Variants in MSI2 observed in about 807,000 individuals in gnomAD.
MSI2 encodes musashi RNA binding protein 2.
MSI2 carries 17 observed loss-of-function variants against 45.6 expected under a neutral mutation model. The ratio of observed to expected loss-of-function variants is 0.37; its 90% CI spans 0.26 to 0.56. The LOEUF is 0.56. Among genes scored for constraint, MSI2 ranks in the 20% least tolerant of loss-of-function variants. The pLI, the probability that MSI2 is intolerant of heterozygous loss-of-function variation, is 0.77. For synonymous variants in MSI2, 156 were observed against 158.2 expected, an observed-to-expected ratio of 0.99 and a Z score of 0.11; for missense variants, 293 against 444.2, an observed-to-expected ratio of 0.66 and a Z score of 3.06.
intron 5 of MSI2, among the ~76,000 whole-genome samples, chr17:57,320,826 A>G (rs1913271212): frequency 6.6e-6 from 1 of 152,016 alleles, no homozygotes; most frequent in African/African-American, 2.4e-5. Context: ...AGGAAGGGAG[A>G]AAGAAGAGAC....
chr17:57,565,101 A>G (rs1044793038), intron 7 of MSI2, among the ~76,000 whole-genome samples: 2 of 152,216 alleles, frequency 1.3e-5, no homozygotes, highest in African/African-American at 4.8e-5. Context: ...CTGAAGACAC[A>G]GAATATGCAT....
In MSI2 at chr17:57,529,612, T is replaced by C. The variant is rs754838162; in HGVS notation, c.406-64T>C. ...CTACCCCCTCACCCCCCGACATGCA[T>C]ATAATGTTTTGTGTACTTTCTTAAA... On this transcript the variant is annotated intron_variant, in intron 6 of 13. Coordinates refer to ENST00000284073, the MANE Select transcript of MSI2 (RefSeq NM_138962.4). The surrounding 1 kb of genome is among the most constrained non-coding windows in gnomAD (Gnocchi z 5.3). 7.0e-7 allele frequency: 1 copy of C among 1,425,846 alleles called. No individual in the cohort carries two copies. The highest frequency in any genetic ancestry group is 9.9e-7 in the Non-Finnish European group (1 of 1,013,116). 88.3% of individuals were successfully genotyped at this position (1,425,846 alleles called of 1,614,324 possible). A position where few individuals can be genotyped will look rare whatever the true frequency, so the allele number is the denominator to read the frequency against.
At chr17:57,372,710 A>G (rs1226359312) in intron 5 of MSI2, among the ~76,000 whole-genome samples, 2 of 152,168 alleles carry the variant, frequency 1.3e-5, no homozygotes, top group Non-Finnish European at 2.9e-5. Flanking sequence ...TCTAGAAGAA[A>G]CTATAAAAGG....
chr17:57,510,537 C>T (rs1197591620), intron 6 of MSI2, among the ~76,000 whole-genome samples: 1 of 151,968 alleles, frequency 6.6e-6, no homozygotes, highest in Non-Finnish European at 1.5e-5. Context: ...AAGTGATTCT[C>T]CTGCCTCAGC....
intron 7 of MSI2, among the ~76,000 whole-genome samples, chr17:57,584,981 C>CT (rs917683743): frequency 2.6e-5 from 4 of 151,954 alleles, no homozygotes; most frequent in African/African-American, 9.7e-5. Context: ...CCACTCCTGG[C>CT]TCGTTTTTGT....
At chr17:57,472,451 A>C (rs1036353931) in intron 6 of MSI2, among the ~76,000 whole-genome samples, 1 of 151,842 alleles carries the variant, frequency 6.6e-6, no homozygotes, top group African/African-American at 2.4e-5. Flanking sequence ...AAACCTAGCC[A>C]TAGTAGGCAG....
intron 8 of MSI2, chr17:57,608,274 C>T (rs1401361355): frequency 2.0e-5 from 3 of 152,542 alleles, no homozygotes; most frequent in Non-Finnish European, 4.4e-5. Context: ...GTCAGGAATC[C>T]ATCTTGGCCT....
At chr17:57,453,636 A>G (rs559211269) in intron 6 of MSI2, among the ~76,000 whole-genome samples, 7 of 152,320 alleles carry the variant, frequency 4.6e-5, no homozygotes, top group African/African-American at 1.7e-4. Context: ...TGTGCCGGGC[A>G]CGCTTTTCTA....
chr17:57,657,399 G>A (rs766647909), intron 11 of MSI2, among the ~76,000 whole-genome samples: 2 of 152,132 alleles, frequency 1.3e-5, no homozygotes, highest in Non-Finnish European at 2.9e-5. Context: ...AAATTGGCCC[G>A]AGGCTGGGGA....
intron 5 of MSI2, 112 bp from the exon 6 acceptor site, chr17:57,401,267 T>C (rs2083984918): frequency 1.4e-5 from 12 of 851,108 alleles, no homozygotes; most frequent in South Asian, 1.3e-4. Context: ...CTTGAATATA[T>C]CTAAAATTGC....
rs561505492 is a variant in MSI2, at chr17:57,420,365, T to C, written c.405+18894T>C. On this transcript the variant is annotated intron_variant, in intron 6 of 13. Coordinates refer to ENST00000284073, the MANE Select transcript of MSI2 (RefSeq NM_138962.4). Reference sequence around the variant, plus strand: ...TCCATGGTGGCATAGGTGGTATTTATCTCTCTTGTCCTTGCTCTCCCCCAC... The same window carrying C: ...TCCATGGTGGCATAGGTGGTATTTACCTCTCTTGTCCTTGCTCTCCCCCAC... 6.1e-4 allele frequency among the ~76,000 whole-genome samples: 93 copies of C among 152,338 alleles called. 1 individual carries two copies. Among genetic ancestry groups the C allele is most frequent in the Admixed American group, 3.3e-3 (51 of 15,302 alleles).
chr17:57,539,700 A>C (rs1259565002), intron 7 of MSI2, among the ~76,000 whole-genome samples: 1 of 151,724 alleles, frequency 6.6e-6, no homozygotes, highest in Non-Finnish European at 1.5e-5. Context: ...TGCTCTTCCC[A>C]GACAACGTGC....
At chr17:57,417,698 T>C (rs2143260809) in intron 6 of MSI2, among the ~76,000 whole-genome samples, 1 of 152,284 alleles carries the variant, frequency 6.6e-6, no homozygotes, top group East Asian at 1.9e-4. Flanking sequence ...CTCCCGGATG[T>C]GATTAACCTG....
chr17:57,627,055 C>G lies in MSI2; in HGVS notation c.653-174C>G. 1.6e-6 allele frequency: 1 copy of G among 635,718 alleles called. No homozygotes were observed. The highest frequency in any genetic ancestry group is 2.8e-6 in the Non-Finnish European group (1 of 357,274). The allele number at this position is 635,718 out of a possible 1,614,324, so 39.4% of individuals were successfully genotyped here. On this transcript the variant is annotated intron_variant, in intron 9 of 13. Transcript: ENST00000284073. The surrounding 1 kb of genome is among the most constrained non-coding windows in gnomAD (Gnocchi z 4.6). Reference sequence around the variant, plus strand: ...TAGCAACAGCTGACAGCAGCGCCCCCGGCCACAGGAGAGAGGTGACCCAGA... The same window carrying G: ...TAGCAACAGCTGACAGCAGCGCCCCGGGCCACAGGAGAGAGGTGACCCAGA...
chr17:57,329,118 A>G (rs1444828868), intron 5 of MSI2, among the ~76,000 whole-genome samples: 1 of 152,124 alleles, frequency 6.6e-6, no homozygotes, highest in Non-Finnish European at 1.5e-5. Context: ...TTTGGACAGT[A>G]GTACCCAGTA....
chr17:57,297,083 C>T (rs1334756119), intron 5 of MSI2, among the ~76,000 whole-genome samples: 1 of 151,920 alleles, frequency 6.6e-6, no homozygotes, highest in African/African-American at 2.4e-5. Context: ...CCATCTTGGC[C>T]AGGCTGGTCT....
At chr17:57,327,619 C>T (rs906187578) in intron 5 of MSI2, among the ~76,000 whole-genome samples, 2 of 152,158 alleles carry the variant, frequency 1.3e-5, no homozygotes, top group Non-Finnish European at 2.9e-5. Flanking sequence ...ATCCTTTGCT[C>T]CTACTCTCTG....
At chr17:57,580,809 G>A (rs1442229559) in intron 7 of MSI2, among the ~76,000 whole-genome samples, 1 of 152,074 alleles carries the variant, frequency 6.6e-6, no homozygotes, top group Non-Finnish European at 1.5e-5. Context: ...CTCAGAGGTG[G>A]CTCTGCTAAA....
chr17:57,395,840 T>C (rs1236728220), intron 5 of MSI2, among the ~76,000 whole-genome samples: 3 of 152,200 alleles, frequency 2.0e-5, no homozygotes, highest in Non-Finnish European at 2.9e-5. Context: ...ACAGAGCCCT[T>C]GTCTGAGCCT....
Sources: gnomAD v4.1 joint callset for allele counts (sites outside exome capture counted in the v4.1 genomes callset) on GRCh38, gnomAD v4.1.1 for gene constraint, Gnocchi (gnomAD v3.1) non-coding constraint, MANE v1.5 for transcripts, NCBI Gene and HGNC (gene_info 2026-07-23, HGNC 2026-07-21) for gene names.